NFAT5: variants seen among roughly 807,000 people sequenced by gnomAD.
The protein encoded by NFAT5 is nuclear factor of activated T cells 5, also known as nuclear factor of activated T-cells 5.
A neutral mutation model predicts 166.5 loss-of-function variants in NFAT5; 31 were observed. The ratio of observed to expected loss-of-function variants is 0.19; its 90% CI spans 0.14 to 0.25. The LOEUF (loss-of-function observed/expected upper bound fraction) is 0.25. Among genes scored for constraint, NFAT5 ranks in the 10% least tolerant of loss-of-function variants. NFAT5 has a pLI of 1.00. For missense variants in NFAT5, 1,449 were observed against 1,821.8 expected (o/e 0.80, Z 3.72); for synonymous variants, 612 against 639.7 (o/e 0.96, Z 0.65).
intron 11 of NFAT5, chr16:69,690,477 T>C (rs2037503578): frequency 1.3e-5 from 2 of 152,248 alleles, no homozygotes; most frequent in African/African-American, 2.4e-5. Context: ...AAGCTTGAAC[T>C]TAGTTTAAGA....
intron 3 of NFAT5, among the ~76,000 whole-genome samples, chr16:69,644,446 T>C (rs1032950636): frequency 1.3e-5 from 2 of 152,256 alleles, no homozygotes; most frequent in Middle Eastern, 3.2e-3. Context: ...TGTCATAGTT[T>C]TGTGCTAACT....
chr16:69,653,882 GA>G, intron 5 of NFAT5, among the ~76,000 whole-genome samples: 1 of 152,218 alleles, frequency 6.6e-6, no homozygotes, highest in South Asian at 2.1e-4. Context: ...TAAGAACTTT[GA>G]AAATAAGGTT....
At position 69,647,099 on chromosome 16, in the gene NFAT5, A is replaced by G. The variant is rs2035467918; in HGVS notation, c.325A>G (p.Thr109Ala). Residue 109 changes from threonine to alanine, a missense_variant, in exon 4 of 15, where the codon ACC becomes GCC. Thr to Ala is a moderately conservative substitution (Grantham distance 58). This residue lies in a region of NFAT5 where 172 missense variants were observed against 194.5 expected (regional missense o/e 0.88). Coordinates refer to ENST00000349945, the MANE Select transcript of NFAT5 (RefSeq NM_138713.4). This position sits in a 1 kb window ranked among gnomAD's most constrained non-coding sequence, Gnocchi z 4.8. ...CSSFTTSSSP[T>A]IYSTSVTDSK... is the part of the protein sequence containing the mutation. The stretch of plus-strand genomic sequence containing the variant: ...CTCCTTTACCACCTCTTCCAGCCCT[A>G]CCATTTATTCTACCTCAGTCACCGA... 3 of 1,612,952 alleles carry G rather than the reference A, an allele frequency of 1.9e-6. No homozygotes were observed. The highest frequency in any genetic ancestry group is 2.5e-6 in the Non-Finnish European group (3 of 1,179,290).
intron 2 of NFAT5, among the ~76,000 whole-genome samples, chr16:69,617,559 T>C (rs377558387): frequency 2.0e-5 from 3 of 151,564 alleles, no homozygotes; most frequent in African/African-American, 7.3e-5. Flanking sequence ...GGCACAATCA[T>C]GGCTCACTGC....
At chr16:69,590,234 A>G (rs971717564) in intron 2 of NFAT5, among the ~76,000 whole-genome samples, 3 of 152,172 alleles carry the variant, frequency 2.0e-5, no homozygotes, top group African/African-American at 7.2e-5. Flanking sequence ...CTGAGTACAG[A>G]CGTTGAGTCC....
intron 3 of NFAT5, among the ~76,000 whole-genome samples, chr16:69,645,148 A>ATT (rs2035384551): frequency 2.6e-5 from 4 of 152,226 alleles, no homozygotes; most frequent in African/African-American, 7.2e-5. Context: ...AGTGGCTACA[A>ATT]ATCAGCTCCT....
intron 2 of NFAT5, among the ~76,000 whole-genome samples, chr16:69,606,078 T>TA (rs1161381021): frequency 6.6e-6 from 1 of 152,216 alleles, no homozygotes; most frequent in Non-Finnish European, 1.5e-5. Flanking sequence ...GATAGGTACT[T>TA]ACCAGCCCTT....
At chr16:69,664,747 G>C (rs778281820) in intron 7 of NFAT5, among the ~76,000 whole-genome samples, 1 of 152,044 alleles carries the variant, frequency 6.6e-6, no homozygotes, top group Non-Finnish European at 1.5e-5. Flanking sequence ...AAATAACTTG[G>C]TCGGGCGCAG....
At chr16:69,577,433 A>G (rs572704108) in intron 2 of NFAT5, among the ~76,000 whole-genome samples, 7 of 152,366 alleles carry the variant, frequency 4.6e-5, no homozygotes, top group Admixed American at 2.0e-4. Context: ...ATTATGGAAT[A>G]ATATAGGAAT....
chr16:69,662,353 T>C (rs1006603106), intron 7 of NFAT5, among the ~76,000 whole-genome samples: 3 of 152,110 alleles, frequency 2.0e-5, no homozygotes, highest in African/African-American at 4.8e-5. Context: ...TATGATTCTT[T>C]TGGGGGAAAT....
In NFAT5 at chr16:69,565,974, G is replaced by A. The variant is rs1258742426; in HGVS notation, c.-328G>A. 6.5e-6 allele frequency: 2 copies of A among 309,638 alleles called. No individual in the cohort carries two copies. Among genetic ancestry groups the A allele is most frequent in the East Asian group, 9.0e-5 (1 of 11,074 alleles). The allele number at this position is 309,638 out of a possible 1,614,324, so 19.2% of individuals were successfully genotyped here. On this transcript the variant is annotated 5_prime_UTR_variant, in exon 1 of 15. Transcript: ENST00000349945. ...CCACGGGGGCGGGGCTCAGATTCCT[G>A]TCAGCGGCGGCGGCGGTGGCGGCGA... is the stretch of plus-strand genomic sequence containing the variant.
At chr16:69,649,534 T>G in intron 4 of NFAT5, 1 of 984,464 alleles carries the variant, frequency 1.0e-6, no homozygotes, top group Admixed American at 6.2e-5. Context: ...GAGCAGAAAT[T>G]CCATCAAGCA....
intron 3 of NFAT5, among the ~76,000 whole-genome samples, chr16:69,636,791 G>T (rs2034986029): frequency 6.6e-6 from 1 of 152,104 alleles, no homozygotes; most frequent in Admixed American, 6.5e-5. Context: ...TGGGCCTCTG[G>T]GCCTATGATG....
intron 5 of NFAT5, among the ~76,000 whole-genome samples, chr16:69,653,661 TG>T (rs974349822): frequency 4.6e-5 from 7 of 151,260 alleles, no homozygotes; most frequent in Admixed American, 4.6e-4. Context: ...CTGCAGCCTC[TG>T]CCTCCGGGGT....
At chr16:69,674,221 C>T (rs1597521296) in intron 9 of NFAT5, among the ~76,000 whole-genome samples, 1 of 113,230 alleles carries the variant, frequency 8.8e-6, no homozygotes, top group Admixed American at 1.1e-4. Context: ...CCAGCCTGGG[C>T]AACAAGAGTG....
intron 4 of NFAT5, among the ~76,000 whole-genome samples, chr16:69,652,051 T>TC (rs1371804097): frequency 1.3e-5 from 2 of 152,252 alleles, no homozygotes; most frequent in African/African-American, 4.8e-5. Flanking sequence ...TTTTACAGAT[T>TC]AAATGTGTTT....
At chr16:69,580,342 A>C (rs1249708005) in intron 2 of NFAT5, among the ~76,000 whole-genome samples, 3 of 152,024 alleles carry the variant, frequency 2.0e-5, no homozygotes, top group Non-Finnish European at 4.4e-5. Context: ...AGCCTGGGCA[A>C]TACAGTGAAA....
chr16:69,684,676 A>G (rs1255500119), intron 10 of NFAT5, among the ~76,000 whole-genome samples: 1 of 152,032 alleles, frequency 6.6e-6, no homozygotes, highest in Non-Finnish European at 1.5e-5. Context: ...GCCACTACAC[A>G]TGGCCTGGTA....
chr16:69,620,526 G>A (rs1333892776), intron 2 of NFAT5, among the ~76,000 whole-genome samples: 2 of 152,176 alleles, frequency 1.3e-5, no homozygotes, highest in Non-Finnish European at 2.9e-5. Flanking sequence ...TTGAGCCCAG[G>A]AGTTCAGGAC....
Sources: gnomAD v4.1 joint callset for allele counts (sites outside exome capture counted in the v4.1 genomes callset) on GRCh38, gnomAD v4.1.1 for gene constraint, gnomAD v4.1.1 regional missense constraint, Gnocchi (gnomAD v3.1) non-coding constraint, MANE v1.5 for transcripts, NCBI Gene and HGNC (gene_info 2026-07-23, HGNC 2026-07-21) for gene names.